The following SLC22A25 variants were observed in gnomAD, a reference collection of about 807,000 sequenced individuals.
SLC22A25 encodes MGI:2442751, MGI:2385316, MGI:3042283, MGI:3645714, MGI:3605624, MGI:2442750.
In SLC22A25, 44 loss-of-function variants were observed where a neutral mutation model predicts 45.9. That is an observed-to-expected ratio of 0.96 (90% CI 0.75 to 1.23). SLC22A25 has a LOEUF of 1.23. Ranked by LOEUF, SLC22A25 falls within the 50% of genes most tolerant of loss-of-function variation. SLC22A25 has a pLI of 0.00. For missense variants in SLC22A25, 800 were observed against 666.4 expected (o/e 1.20, Z -2.21); for synonymous variants, 283 against 238.6 (o/e 1.19, Z -1.72).
intron 7 of SLC22A25, among the ~76,000 whole-genome samples, chr11:63,204,484 G>A (rs1209731050): frequency 6.6e-6 from 1 of 151,836 alleles, no homozygotes; most frequent in Non-Finnish European, 1.5e-5. Context: ...CAAATAGAAA[G>A]AAAAGCAGGG....
At chr11:63,203,925 A>G (rs2089322093) in intron 7 of SLC22A25, among the ~76,000 whole-genome samples, 1 of 152,218 alleles carries the variant, frequency 6.6e-6, no homozygotes, top group Non-Finnish European at 1.5e-5. Flanking sequence ...CAGGTTACCT[A>G]CAAAGGGAAG....
chr11:63,229,450 C>T lies in SLC22A25; in HGVS notation c.203G>A (p.Ser68Asn). ...TIPDNDPGTL[S>N]QDALLRISIP... ...GGAGATTCTCAGGAGGGCATCCTGG[C>T]TGAGGGTCCCAGGGTCATTGTCAGG... is the stretch of plus-strand genomic sequence containing the variant. Residue 68 changes from serine (S) to asparagine (N), a missense_variant, in exon 4 of 12, where the codon AGC (serine) becomes AAC (asparagine). Physicochemically the swap from Ser to Asn is conservative, Grantham distance 46. Transcript: ENST00000306494. The T allele has an allele frequency of 1.9e-6, 3 of 1,614,086 alleles. No homozygotes were observed. Among genetic ancestry groups the T allele is most frequent in the Non-Finnish European group, 2.5e-6 (3 of 1,179,946 alleles).
intron 7 of SLC22A25, among the ~76,000 whole-genome samples, chr11:63,203,746 C>G (rs2089317188): frequency 6.6e-6 from 1 of 152,070 alleles, no homozygotes; most frequent in African/African-American, 2.4e-5. Context: ...AGGCTATTAT[C>G]CAGGAGAACT....
chr11:63,217,673 G>T lies in SLC22A25; in HGVS notation c.569C>A (p.Ala190Glu). ...TACGAGGATGGTGGGAGCAAAGGCCGCACAGGTGCCTACAATGGCGAGCTG... is the reference window on the plus strand; with the variant it reads ...TACGAGGATGGTGGGAGCAAAGGCCTCACAGGTGCCTACAATGGCGAGCTG... ...YLQLAIVGTC[A>E]AFAPTILVYC... Residue 190 changes from alanine to glutamate, a missense_variant, in exon 6 of 12, where the codon GCG (alanine) becomes GAG (glutamate). Transcript: ENST00000306494. 1 of 1,613,884 alleles carries T rather than the reference G, an allele frequency of 6.2e-7. No homozygotes were observed. The highest frequency in any genetic ancestry group is 8.5e-7 in the Non-Finnish European group (1 of 1,179,972).
At chr11:63,207,746 A>G (rs550913935) in intron 7 of SLC22A25, among the ~76,000 whole-genome samples, 1 of 152,296 alleles carries the variant, frequency 6.6e-6, no homozygotes, top group East Asian at 1.9e-4. Flanking sequence ...CATTGTGAAG[A>G]CCCTGTTTCT....
intron 5 of SLC22A25, among the ~76,000 whole-genome samples, chr11:63,227,899 GC>G (rs1306729889): frequency 6.6e-6 from 1 of 152,178 alleles, no homozygotes; most frequent in African/African-American, 2.4e-5. Context: ...GCTGAGTTCT[GC>G]CCTGTGTTGG....
In SLC22A25 at chr11:63,162,220, TCTTTA is replaced by T. The variant is rs1226781411; in HGVS notation, c.*1599_*1603del. Among the ~76,000 whole-genome samples the T allele has an allele frequency of 6.6e-6, 1 of 152,224 alleles. No individual in the cohort carries two copies. Among genetic ancestry groups the T allele is most frequent in the East Asian group, 1.9e-4 (1 of 5,196 alleles). ...ATTTTCTCCCATTCTGTGGGTTGCCTCTTTACTTTGTTGAATGTATCCTTTGCTGT... is the reference window on the plus strand; with the variant it reads ...ATTTTCTCCCATTCTGTGGGTTGCCTCTTTGTTGAATGTATCCTTTGCTGT... On this transcript the variant is annotated 3_prime_UTR_variant, in exon 12 of 12. Transcript: ENST00000306494.
intron 9 of SLC22A25, among the ~76,000 whole-genome samples, chr11:63,174,802 G>A (rs1024297080): frequency 2.6e-5 from 4 of 151,968 alleles, no homozygotes; most frequent in Non-Finnish European, 5.9e-5. Flanking sequence ...ATTTCCCTCT[G>A]CCCTCTGCCC....
At chr11:63,175,576 C>T (rs978137629) in intron 9 of SLC22A25, among the ~76,000 whole-genome samples, 1 of 152,128 alleles carries the variant, frequency 6.6e-6, no homozygotes, top group African/African-American at 2.4e-5. Flanking sequence ...TCTATTATTT[C>T]CTTTGCTGTG....
chr11:63,223,275 C>A (rs1366336469), intron 5 of SLC22A25, among the ~76,000 whole-genome samples: 1 of 151,938 alleles, frequency 6.6e-6, no homozygotes, highest in Non-Finnish European at 1.5e-5. Context: ...TACCTGGAGA[C>A]TTTTTATTAC....
At chr11:63,225,212 A>G (rs540592227) in intron 5 of SLC22A25, among the ~76,000 whole-genome samples, 1 of 152,360 alleles carries the variant, frequency 6.6e-6, no homozygotes, top group South Asian at 2.1e-4. Context: ...CTGTGTATTT[A>G]CTACTAGCAG....
intron 9 of SLC22A25, among the ~76,000 whole-genome samples, chr11:63,174,002 T>A (rs1004458208): frequency 6.6e-6 from 1 of 151,572 alleles, no homozygotes; most frequent in Non-Finnish European, 1.5e-5. Context: ...GCTGCACCCA[T>A]CAACTCATCA....
chr11:63,192,890 A>G (rs1429671260), intron 7 of SLC22A25, among the ~76,000 whole-genome samples: 1 of 152,202 alleles, frequency 6.6e-6, no homozygotes, highest in African/African-American at 2.4e-5. Context: ...AGAGTGGGAG[A>G]TTTTAACACT....
rs185925396 is a variant in SLC22A25, at chr11:63,238,736, G to A, written c.-596C>T. 2.2e-4 allele frequency: 46 copies of A among 207,616 alleles called. No individual in the cohort carries two copies. The Middle Eastern group carries it at 0.01, about 46-fold the overall frequency. 12.9% of individuals were successfully genotyped at this position (207,616 alleles called of 1,614,324 possible). The stretch of plus-strand genomic sequence containing the variant: ...TCTTACCCAGTCACGATGGTGGAGA[G>A]GAAGGAGCTTCTGTTGTACACCCTG... On this transcript the variant is annotated 5_prime_UTR_variant, in exon 2 of 12. Coordinates refer to ENST00000306494, the MANE Select transcript of SLC22A25 (RefSeq NM_199352.6).
chr11:63,187,945 G>T (rs1422843843), intron 7 of SLC22A25, among the ~76,000 whole-genome samples: 3 of 152,176 alleles, frequency 2.0e-5, no homozygotes, highest in Non-Finnish European at 4.4e-5. Flanking sequence ...GATTTGGTTT[G>T]CCAGTATTTT....
rs369454673 is a variant in SLC22A25 at position 63,186,448 on chromosome 11, T to C, written c.831-2631A>G. On this transcript the variant is annotated intron_variant, in intron 7 of 11. Transcript: ENST00000306494. Reference sequence around the variant, plus strand: ...CATTGTAGATTCTGGATATTAGCCCTTTGTCAGATGAGTAGATTGCAAAAA... The same window carrying C: ...CATTGTAGATTCTGGATATTAGCCCCTTGTCAGATGAGTAGATTGCAAAAA... Among the ~76,000 whole-genome samples the C allele has an allele frequency of 4.2e-4, 63 of 151,270 alleles. 1 individual carries two copies. The East Asian group carries it at 0.01, about 24-fold the overall frequency.
intron 7 of SLC22A25, among the ~76,000 whole-genome samples, chr11:63,216,447 C>T (rs2089712530): frequency 6.6e-6 from 1 of 152,122 alleles, no homozygotes; most frequent in Non-Finnish European, 1.5e-5. Flanking sequence ...GCACTATTCA[C>T]AATAACAAAT....
chr11:63,166,193 A>G lies in SLC22A25; in HGVS notation c.1136T>C (p.Phe379Ser), dbSNP rs777351917. 8 of 1,613,914 alleles carry G rather than the reference A, an allele frequency of 5.0e-6. No homozygotes were observed. In the Admixed American group the frequency reaches 5.0e-5, roughly 10 times the overall value. Residue 379 changes from phenylalanine to serine, a missense_variant, in exon 10 of 12, where the codon TTC becomes TCC. Physicochemically the swap from Phe to Ser is radical, Grantham distance 155 (BLOSUM62 -2). Transcript: ENST00000306494. ...LHLQHLGNNV[F>S]LLQTLFGAVT... Reference sequence around the variant, plus strand: ...TGCACCAAAGAGAGTCTGCAACAGGAAAACATTGTTTCCCAGATGCTGGAG... The same window carrying G: ...TGCACCAAAGAGAGTCTGCAACAGGGAAACATTGTTTCCCAGATGCTGGAG...
intron 9 of SLC22A25, among the ~76,000 whole-genome samples, chr11:63,178,064 T>TA (rs34839890): frequency 0.99 from 149,350 of 151,252 alleles, 73,775 homozygotes; most frequent in Middle Eastern, 1. Flanking sequence ...TTTATTTATT[T>TA]TTTTTTTTGC....
Sources: gnomAD v4.1 joint callset for allele counts (sites outside exome capture counted in the v4.1 genomes callset) on GRCh38, gnomAD v4.1.1 for gene constraint, MANE v1.5 for transcripts, NCBI Gene and HGNC (gene_info 2026-07-23, HGNC 2026-07-21) for gene names.